The following CDYL2 variants were observed in gnomAD, a reference collection of about 807,000 sequenced individuals.
CDYL2 encodes the protein chromodomain Y-like protein 2.
CDYL2 carries 23 observed loss-of-function variants against 49.4 expected under a neutral mutation model. The ratio of observed to expected loss-of-function variants is 0.47; its 90% CI spans 0.34 to 0.66. The LOEUF is 0.66. Ranked by LOEUF, CDYL2 falls within the 30% of genes least tolerant of loss-of-function variation. CDYL2 has a pLI of 0.01. For synonymous variants in CDYL2, 360 were observed against 268.8 expected (o/e 1.34, Z -3.32); for missense variants, 678 against 656.4 (o/e 1.03, Z -0.36).
intron 1 of CDYL2, among the ~76,000 whole-genome samples, chr16:80,799,377 T>C (rs1567449131): frequency 6.6e-6 from 1 of 152,184 alleles, no homozygotes; most frequent in Non-Finnish European, 1.5e-5. Context: ...CGTAAAATAC[T>C]TGTTTTCTTA....
chr16:80,789,969 T>A (rs1009960903), intron 1 of CDYL2, among the ~76,000 whole-genome samples: 1 of 152,140 alleles, frequency 6.6e-6, no homozygotes, highest in Non-Finnish European at 1.5e-5. Context: ...TACAATATGA[T>A]GGCTACACTA....
intron 2 of CDYL2, among the ~76,000 whole-genome samples, chr16:80,645,594 A>T (rs1567554097): frequency 6.6e-6 from 1 of 152,200 alleles, no homozygotes; most frequent in Admixed American, 6.5e-5. Context: ...TCAAGGATCC[A>T]GAACTAAAAA....
At chr16:80,670,472 G>A (rs1179601324) in intron 2 of CDYL2, among the ~76,000 whole-genome samples, 2 of 152,096 alleles carry the variant, frequency 1.3e-5, no homozygotes, top group African/African-American at 4.8e-5. Context: ...ACAGCCCTGG[G>A]GAACCGTGAG....
intron 2 of CDYL2, among the ~76,000 whole-genome samples, chr16:80,672,493 G>GA (rs1909559554): frequency 7.2e-6 from 1 of 138,456 alleles, no homozygotes; most frequent in Non-Finnish European, 1.5e-5. Flanking sequence ...AGGAAAGAAA[G>GA]AAGGAAAGGA....
chr16:80,733,403 G>C (rs13339266), intron 1 of CDYL2, among the ~76,000 whole-genome samples: 1 of 152,156 alleles, frequency 6.6e-6, no homozygotes, highest in Non-Finnish European at 1.5e-5. Context: ...GGCTTGCAAC[G>C]GCTTTGCCCT....
intron 1 of CDYL2, among the ~76,000 whole-genome samples, chr16:80,692,528 G>C (rs1195324946): frequency 4.6e-5 from 7 of 152,166 alleles, no homozygotes; most frequent in Admixed American, 2.0e-4. Context: ...CGTAAAACTG[G>C]AGAAGGTGTA....
chr16:80,640,077 G>A (rs996175962), intron 2 of CDYL2, among the ~76,000 whole-genome samples: 10 of 152,084 alleles, frequency 6.6e-5, no homozygotes, highest in African/African-American at 2.2e-4. Context: ...TCCTAGTCCC[G>A]CAATGGGCCC....
At chr16:80,672,116 T>G (rs772509592) in intron 2 of CDYL2, among the ~76,000 whole-genome samples, 20 of 152,206 alleles carry the variant, frequency 1.3e-4, no homozygotes, top group Non-Finnish European at 2.2e-4. Flanking sequence ...AAGCATCATT[T>G]TGATGCTCAG....
intron 1 of CDYL2, among the ~76,000 whole-genome samples, chr16:80,744,043 C>T (rs1400047740): frequency 1.3e-5 from 1 of 78,420 alleles, no homozygotes; most frequent in African/African-American, 3.3e-5. Flanking sequence ...TTTATTCACC[C>T]ATTTAATATG....
At chr16:80,777,564 T>C (rs1907129465) in intron 1 of CDYL2, among the ~76,000 whole-genome samples, 1 of 152,128 alleles carries the variant, frequency 6.6e-6, no homozygotes, top group African/African-American at 2.4e-5. Flanking sequence ...GGAAGAGATA[T>C]TCTGAAAATA....
chr16:80,634,603 G>C (rs1907733195), intron 2 of CDYL2, among the ~76,000 whole-genome samples: 2 of 151,996 alleles, frequency 1.3e-5, no homozygotes, highest in African/African-American at 4.8e-5. Flanking sequence ...TATGTAACCT[G>C]CACATTGTGC....
chr16:80,782,237 C>A (rs2142405933), intron 1 of CDYL2, among the ~76,000 whole-genome samples: 1 of 151,860 alleles, frequency 6.6e-6, no homozygotes, highest in African/African-American at 2.4e-5. Context: ...TGTACACCAA[C>A]AAACTGTATA....
At chr16:80,803,111 T>G (rs74030456) in intron 1 of CDYL2, among the ~76,000 whole-genome samples, 22,574 of 152,146 alleles carry the variant, frequency 0.15, 1,779 homozygotes, top group African/African-American at 0.19. Context: ...CTGAGGCCAT[T>G]CCCTCTGGGG....
At chr16:80,683,037 A>C (rs1366528492) in intron 2 of CDYL2, among the ~76,000 whole-genome samples, 1 of 152,124 alleles carries the variant, frequency 6.6e-6, no homozygotes, top group Non-Finnish European at 1.5e-5. Context: ...AAAGACAGCA[A>C]GCTCTTGCAG....
At chr16:80,761,928 A>C (rs1906546558) in intron 1 of CDYL2, among the ~76,000 whole-genome samples, 1 of 151,768 alleles carries the variant, frequency 6.6e-6, no homozygotes, top group African/African-American at 2.4e-5. Context: ...GTGGTGCACA[A>C]AAATCCCAGC....
chr16:80,707,804 G>A (rs1035942024), intron 1 of CDYL2, among the ~76,000 whole-genome samples: 1 of 152,334 alleles, frequency 6.6e-6, no homozygotes. Flanking sequence ...CCCTGGCTCA[G>A]GTCAAGGGTT....
intron 4 of CDYL2, among the ~76,000 whole-genome samples, 171 bp from the exon 5 acceptor site, chr16:80,613,007 T>C (rs1286927411): frequency 2.0e-5 from 3 of 152,144 alleles, no homozygotes; most frequent in Admixed American, 1.3e-4. Flanking sequence ...TCAGATTTTC[T>C]GAGGTATACT....
At chr16:80,754,091 G>A (rs764438953) in intron 1 of CDYL2, among the ~76,000 whole-genome samples, 25 of 152,164 alleles carry the variant, frequency 1.6e-4, no homozygotes, top group Non-Finnish European at 2.1e-4. Flanking sequence ...TGAAGGAAGT[G>A]TAAATTTTAA....
intron 1 of CDYL2, among the ~76,000 whole-genome samples, chr16:80,737,582 C>G (rs1235728761): frequency 6.6e-6 from 1 of 152,128 alleles, no homozygotes; most frequent in Admixed American, 6.5e-5. Flanking sequence ...GTTGCTGCTG[C>G]TGCTAGTGGT....
Sources: allele counts gnomAD v4.1 joint callset (sites outside exome capture counted in the v4.1 genomes callset), GRCh38; gene constraint gnomAD v4.1.1; transcripts MANE v1.5; gene names NCBI Gene and HGNC (gene_info 2026-07-23, HGNC 2026-07-21).